PCDHA1: variants seen among roughly 807,000 people sequenced by gnomAD.
The protein encoded by PCDHA1 is protocadherin alpha 1, also known as protocadherin alpha-1.
A neutral mutation model predicts 61.3 loss-of-function variants in PCDHA1; 42 were observed. That is an observed-to-expected ratio of 0.69 (90% CI 0.54 to 0.89). The LOEUF is 0.89. PCDHA1 is among the 40% of genes least tolerant of loss of function. The pLI is 0.00. For missense variants in PCDHA1, 1,256 were observed against 1,235.3 expected, an observed-to-expected ratio of 1.02 and a Z score of -0.25; for synonymous variants, 610 against 553.8, an observed-to-expected ratio of 1.10 and a Z score of -1.43.
chr5:140,968,095 TGGG>T (rs1554230332), intron 1 of PCDHA1: 1 of 1,613,884 alleles, frequency 6.2e-7, no homozygotes, highest in African/African-American at 1.3e-5. Flanking sequence ...CAGCCACAGA[TGGG>T]GGAATACCGC....
At chr5:140,793,748 G>A (rs1269752604) in intron 1 of PCDHA1, among the ~76,000 whole-genome samples, 3 of 152,000 alleles carry the variant, frequency 2.0e-5, no homozygotes, top group African/African-American at 7.3e-5. Context: ...AACAAAAGAA[G>A]ATATTCTCAA....
At position 140,787,296 on chromosome 5, in the gene PCDHA1, GT is replaced by G; in HGVS notation, c.1010del (p.Leu337TrpfsTer2). ...TCCTCCGATGTCAAATCACTGTAAG[GT>G]TTTGGTGAAAGTGCTGGATGTAAAT... is the stretch of plus-strand genomic sequence containing the variant. Reference protein sequence around the residue: ...GSPPMSNHCKVLVKVLDVNDN... With the variant: ...GSPPMSNHCKXLVKVLDVNDN... On this transcript the variant is annotated frameshift_variant, in exon 1 of 4. Coordinates refer to ENST00000504120, the MANE Select transcript of PCDHA1 (RefSeq NM_018900.4). LOFTEE classifies it high-confidence loss of function. The G allele has an allele frequency of 6.2e-7, 1 of 1,614,198 alleles. No homozygotes were observed. Among genetic ancestry groups the G allele is most frequent in the Non-Finnish European group, 8.5e-7 (1 of 1,180,034 alleles).
intron 2 of PCDHA1, chr5:140,982,224 A>C: frequency 1.7e-6 from 1 of 587,320 alleles, no homozygotes; most frequent in South Asian, 3.8e-5. Flanking sequence ...TGGCGTTAAT[A>C]AAAAACAGAA....
intron 1 of PCDHA1, among the ~76,000 whole-genome samples, chr5:140,918,586 G>A (rs2078766446): frequency 6.6e-6 from 1 of 152,188 alleles, no homozygotes; most frequent in South Asian, 2.1e-4. Context: ...TTGGCTATAT[G>A]TTCTATAGAT....
intron 1 of PCDHA1, among the ~76,000 whole-genome samples, chr5:140,937,332 C>T (rs1003482242): frequency 6.3e-4 from 96 of 152,212 alleles, no homozygotes; most frequent in African/African-American, 2.0e-3. Context: ...CCACCGCGCC[C>T]GGCTTCTTCC....
chr5:140,884,092 G>C, intron 1 of PCDHA1: 2 of 1,613,556 alleles, frequency 1.2e-6, no homozygotes, highest in Non-Finnish European at 1.7e-6. Context: ...CGTGGCTTTC[G>C]TATGAATTGC....
At chr5:140,962,747 G>A (rs1385433172) in intron 1 of PCDHA1, among the ~76,000 whole-genome samples, 1 of 152,142 alleles carries the variant, frequency 6.6e-6, no homozygotes, top group Non-Finnish European at 1.5e-5. Flanking sequence ...ATGAAGATCA[G>A]GAATCCTATT....
intron 1 of PCDHA1, chr5:140,877,748 G>C: frequency 6.2e-7 from 1 of 1,614,188 alleles, no homozygotes; most frequent in Non-Finnish European, 8.5e-7. Flanking sequence ...CAGAGGGTGT[G>C]CTCTGCAGAG....
chr5:140,922,350 G>A (rs2080793001), intron 1 of PCDHA1, among the ~76,000 whole-genome samples: 11 of 152,212 alleles, frequency 7.2e-5, no homozygotes, highest in Admixed American at 7.2e-4. Context: ...GTATTTTCTA[G>A]AGTAGTGATT....
chr5:140,901,270 C>T (rs2068553355), intron 1 of PCDHA1, among the ~76,000 whole-genome samples: 2 of 152,246 alleles, frequency 1.3e-5, no homozygotes, highest in South Asian at 4.1e-4. Flanking sequence ...TGGGGTATTA[C>T]TCAAGAAATT....
intron 1 of PCDHA1, chr5:140,882,754 T>C: frequency 1.2e-6 from 2 of 1,614,228 alleles, no homozygotes; most frequent in South Asian, 1.1e-5. Flanking sequence ...ATGCAGATAT[T>C]GGAGTAAACT....
intron 1 of PCDHA1, among the ~76,000 whole-genome samples, chr5:140,912,581 T>C (rs2075985656): frequency 6.6e-6 from 1 of 152,178 alleles, no homozygotes; most frequent in Admixed American, 6.5e-5. Flanking sequence ...CTTTTCCAAT[T>C]TGGATGCCCT....
Position 140,786,760 on chromosome 5 carries a change from C to T in PCDHA1, c.470C>T (p.Ala157Val). The change falls in exon 1 of 4, where the codon GCT becomes GTT. Residue 157 changes from alanine (A) to valine (V), a missense_variant. Coordinates refer to ENST00000504120, the MANE Select transcript of PCDHA1 (RefSeq NM_018900.4). ...AATTCGCGTTTTCCGATAGAAGGAG[C>T]TGCTGATGCAGACATTGGTGCTAAC... ...LLNSRFPIEG[A>V]ADADIGANAL... The T allele has an allele frequency of 6.2e-7, 1 of 1,614,240 alleles. No homozygotes were observed. The highest frequency in any genetic ancestry group is 8.5e-7 in the Non-Finnish European group (1 of 1,180,044).
intron 1 of PCDHA1, chr5:140,803,283 G>A (rs782799500): frequency 5.0e-6 from 8 of 1,613,924 alleles, no homozygotes; most frequent in Non-Finnish European, 6.8e-6. Flanking sequence ...ACTGGTGGAT[G>A]TCAACGTGTA....
Position 140,801,500 on chromosome 5 carries a change from G to C in PCDHA1, c.2394+12816G>C, listed in dbSNP as rs539262034. 36 of 1,614,186 alleles carry C rather than the reference G, an allele frequency of 2.2e-5. No homozygotes were observed. In the South Asian group the frequency reaches 3.8e-4, roughly 17 times the overall value. On this transcript the variant is annotated intron_variant, in intron 1 of 3. Transcript: ENST00000504120. ...AGGAACTGTGCGGGCGGAGCGCGGAGTGCAGCATCCACCTGGAGGTGATCG... is the reference window on the plus strand; with the variant it reads ...AGGAACTGTGCGGGCGGAGCGCGGACTGCAGCATCCACCTGGAGGTGATCG...
chr5:140,803,832 G>T (rs1554122970), intron 1 of PCDHA1: 3 of 620,980 alleles, frequency 4.8e-6, no homozygotes, highest in Non-Finnish European at 2.7e-6. Context: ...TGCAGTAGTA[G>T]AATTATTTTA....
rs151317539 is a variant in PCDHA1, at chr5:140,820,743, GTA to G, written c.2394+32061_2394+32062del. On this transcript the variant is annotated intron_variant, in intron 1 of 3. Transcript: ENST00000504120. ...TGGAACCTAAACATTTTGTGAAATA[GTA>G]TGTCATATAGACAATATTAGGATTT... 4.0e-3 allele frequency among the ~76,000 whole-genome samples: 604 copies of G among 152,120 alleles called. 4 individuals are homozygous for G. Among genetic ancestry groups the G allele is most frequent in the African/African-American group, 0.014 (583 of 41,538 alleles).
rs782343997 is a variant in PCDHA1 at position 140,882,709 on chromosome 5, T to C, written c.2394+94025T>C. 6 of 1,614,022 alleles carry C rather than the reference T, an allele frequency of 3.7e-6. No homozygotes were observed. In the Admixed American group the frequency reaches 6.7e-5, roughly 18 times the overall value. ...GAATAATCATTGCAGAATCTAGACC[T>C]CCGGAAACTCGATTTCCACTAGATG... is the stretch of plus-strand genomic sequence containing the variant. On this transcript the variant is annotated intron_variant, in intron 1 of 3. Coordinates refer to ENST00000504120, the MANE Select transcript of PCDHA1 (RefSeq NM_018900.4).
intron 3 of PCDHA1, among the ~76,000 whole-genome samples, chr5:140,985,361 G>T (rs1453706797): frequency 1.3e-5 from 2 of 152,132 alleles, no homozygotes; most frequent in Non-Finnish European, 2.9e-5. Flanking sequence ...GACCCTCTGA[G>T]GTTATCTGGG....
Sources: allele counts gnomAD v4.1 joint callset (sites outside exome capture counted in the v4.1 genomes callset), GRCh38; gene constraint gnomAD v4.1.1; transcripts MANE v1.5; gene names NCBI Gene and HGNC (gene_info 2026-07-23, HGNC 2026-07-21).